TANC2: variants seen among roughly 807,000 people sequenced by gnomAD.
TANC2 encodes tetratricopeptide repeat, ankyrin repeat and coiled-coil containing 2.
Under a neutral mutation model 210.5 loss-of-function variants are expected in TANC2, and 26 were observed. The observed-to-expected ratio is 0.12, with a 90% CI of 0.09 to 0.17. The LOEUF is 0.17. TANC2 is among the 10% of genes least tolerant of loss of function. The pLI, the probability that TANC2 is intolerant of heterozygous loss-of-function variation, is 1.00. For synonymous variants in TANC2, 931 were observed against 967.1 expected, an observed-to-expected ratio of 0.96 and a Z score of 0.69; for missense variants, 2,129 against 2,608.9, an observed-to-expected ratio of 0.82 and a Z score of 4.01.
chr17:63,177,845 A>G (rs900719702), intron 5 of TANC2, among the ~76,000 whole-genome samples: 22 of 152,374 alleles, frequency 1.4e-4, no homozygotes, highest in African/African-American at 5.0e-4. Context: ...CGCATTGTCC[A>G]AATAAAGTCA....
intron 2 of TANC2, among the ~76,000 whole-genome samples, chr17:63,024,152 AGAG>A (rs929398898): frequency 1.3e-5 from 2 of 152,164 alleles, no homozygotes; most frequent in Non-Finnish European, 2.9e-5. Context: ...AGAGCCCAAG[AGAG>A]GGTTTTTGGA....
At chr17:63,298,993 A>G (rs767163721) in intron 9 of TANC2, among the ~76,000 whole-genome samples, 1 of 151,054 alleles carries the variant, frequency 6.6e-6, no homozygotes, top group African/African-American at 2.4e-5. Context: ...TCAGTGTTCA[A>G]CTCCCACTTA....
At chr17:63,257,620 A>T (rs2043233964) in intron 8 of TANC2, among the ~76,000 whole-genome samples, 1 of 152,200 alleles carries the variant, frequency 6.6e-6, no homozygotes, top group Non-Finnish European at 1.5e-5. Flanking sequence ...CTGGCCTCCC[A>T]AAGTGCTGGG....
chr17:63,293,897 T>G (rs2044457182), intron 9 of TANC2, among the ~76,000 whole-genome samples: 1 of 151,966 alleles, frequency 6.6e-6, no homozygotes, highest in South Asian at 2.1e-4. Flanking sequence ...CCCAGCTAAT[T>G]TTTGTAATTT....
At chr17:63,318,860 G>A in intron 10 of TANC2, 97 bp from the exon 11 acceptor site, 1 of 1,378,548 alleles carries the variant, frequency 7.3e-7, no homozygotes, top group Non-Finnish European at 1.0e-6. Flanking sequence ...ATACTTAGGA[G>A]CAGAATTGTT....
At chr17:63,232,265 A>G (rs1440804665) in intron 7 of TANC2, among the ~76,000 whole-genome samples, 1 of 152,176 alleles carries the variant, frequency 6.6e-6, no homozygotes, top group Non-Finnish European at 1.5e-5. Context: ...CAATTCATCC[A>G]TCTCAGCCTC....
Position 63,238,132 on chromosome 17 carries a change from C to A in TANC2, c.1033+55C>A, listed in dbSNP as rs934264902. The A allele has an allele frequency of 1.0e-5, 15 of 1,460,030 alleles. No homozygotes were observed. In the African/African-American group the frequency reaches 1.4e-4, roughly 14 times the overall value. 90.4% of individuals were successfully genotyped at this position (1,460,030 alleles called of 1,614,324 possible). Reference sequence around the variant, plus strand: ...CTGTTGTTAAATAATCATTTTACTCCAGTATATATTGAAATGAAAATAAAT... The same window carrying A: ...CTGTTGTTAAATAATCATTTTACTCAAGTATATATTGAAATGAAAATAAAT... On this transcript the variant is annotated intron_variant, in intron 8 of 27. Transcript: ENST00000689528.
chr17:63,333,477 T>G (rs1334531095), intron 11 of TANC2, among the ~76,000 whole-genome samples: 5 of 152,186 alleles, frequency 3.3e-5, no homozygotes, highest in Non-Finnish European at 7.3e-5. Context: ...AAAACTTGAA[T>G]GGATGTGGGG....
At chr17:63,303,973 A>G (rs561894740) in intron 9 of TANC2, among the ~76,000 whole-genome samples, 8 of 151,934 alleles carry the variant, frequency 5.3e-5, no homozygotes, top group Admixed American at 3.9e-4. Context: ...TGGTTATTCT[A>G]GTTAGCAGCT....
At chr17:63,290,888 A>G (rs1188207245) in intron 9 of TANC2, among the ~76,000 whole-genome samples, 1 of 152,222 alleles carries the variant, frequency 6.6e-6, no homozygotes, top group Non-Finnish European at 1.5e-5. Context: ...ACAATAATGA[A>G]GAGTTAAATG....
chr17:63,288,780 T>C (rs1327556840), intron 9 of TANC2, among the ~76,000 whole-genome samples: 1 of 152,194 alleles, frequency 6.6e-6, no homozygotes, highest in Non-Finnish European at 1.5e-5. Context: ...ACTTATTCCT[T>C]CTTTAGTGCT....
chr17:63,406,111 CTCT>C, intron 20 of TANC2, 40 bp from the exon 21 acceptor site: 1 of 1,610,710 alleles, frequency 6.2e-7, no homozygotes, highest in Non-Finnish European at 8.5e-7. Context: ...TTCTCAGCAG[CTCT>C]TCTTTGGGCT....
chr17:63,274,634 T>C (rs1280036062), intron 9 of TANC2, among the ~76,000 whole-genome samples: 6 of 151,996 alleles, frequency 3.9e-5, no homozygotes, highest in Non-Finnish European at 7.4e-5. Context: ...GGCAACATGG[T>C]AAAACCCCAT....
intron 17 of TANC2, among the ~76,000 whole-genome samples, chr17:63,395,083 C>T (rs528899967): frequency 1.3e-5 from 2 of 152,346 alleles, no homozygotes; most frequent in Admixed American, 6.5e-5. Flanking sequence ...TCTGTTGAAA[C>T]GAAGGCCCTT....
intron 5 of TANC2, among the ~76,000 whole-genome samples, chr17:63,187,545 T>C (rs564367116): frequency 1.8e-4 from 25 of 141,644 alleles, no homozygotes; most frequent in Admixed American, 1.1e-3. Flanking sequence ...CCAAAAATTA[T>C]GTTTTTTATA....
chr17:63,152,491 A>G (rs536433039), intron 5 of TANC2: 2 of 152,090 alleles, frequency 1.3e-5, no homozygotes, highest in East Asian at 3.9e-4. Flanking sequence ...GGCTTCATCC[A>G]CTCTTATAGA....
At chr17:63,270,671 GTTTT>G (rs1404361086) in intron 9 of TANC2, among the ~76,000 whole-genome samples, 1 of 151,822 alleles carries the variant, frequency 6.6e-6, no homozygotes, top group Non-Finnish European at 1.5e-5. Flanking sequence ...TGTGAAATAG[GTTTT>G]TTTTAACTTT....
chr17:63,314,379 T>A lies in TANC2; in HGVS notation c.1160-9T>A. 1 of 1,612,682 alleles carries A rather than the reference T, an allele frequency of 6.2e-7. No individual in the cohort carries two copies. Among genetic ancestry groups the A allele is most frequent in the Non-Finnish European group, 8.5e-7 (1 of 1,178,940 alleles). ...TGACCTAAGTTCTGCATTCTCTTGT[T>A]CCTTTCAGTTCGCTTTGCACCTTAT... On this transcript the variant is annotated splice_polypyrimidine_tract_variant and intron_variant, in intron 9 of 27. Coordinates refer to ENST00000689528, the Ensembl canonical transcript of TANC2.
intron 8 of TANC2, among the ~76,000 whole-genome samples, chr17:63,264,346 A>G (rs1242193264): frequency 6.6e-6 from 1 of 152,178 alleles, no homozygotes. Context: ...AAGAGCATGT[A>G]TATAGGAAAG....
Sources: gnomAD v4.1 joint callset for allele counts (sites outside exome capture counted in the v4.1 genomes callset) on GRCh38, gnomAD v4.1.1 for gene constraint, MANE v1.5 for transcripts, NCBI Gene and HGNC (gene_info 2026-07-23, HGNC 2026-07-21) for gene names.